The following ARL5B variants were observed in gnomAD, a reference collection of about 807,000 sequenced individuals.
ARL5B encodes ARF like GTPase 5B.
Under a neutral mutation model 26.9 loss-of-function variants are expected in ARL5B, and 10 were observed. That is an observed-to-expected ratio of 0.37 (90% confidence interval 0.23 to 0.63). The LOEUF (loss-of-function observed/expected upper bound fraction) is 0.63, where lower values mean the gene tolerates loss of function less well. Among genes scored for constraint, ARL5B ranks in the 30% least tolerant of loss-of-function variants. ARL5B has a pLI of 0.62. For missense variants in ARL5B, 167 were observed against 213.9 expected, an observed-to-expected ratio of 0.78 and a Z score of 1.37; for synonymous variants, 87 against 70.4, an observed-to-expected ratio of 1.24 and a Z score of -1.18.
chr10:18,663,195 G>T (rs961547311), intron 1 of ARL5B, among the ~76,000 whole-genome samples: 1 of 151,980 alleles, frequency 6.6e-6, no homozygotes, highest in Non-Finnish European at 1.5e-5. Flanking sequence ...TTGTAGTAGA[G>T]ATGGATTTTA....
At chr10:18,674,658 G>A (rs777139068) in intron 5 of ARL5B, among the ~76,000 whole-genome samples, 3 of 152,146 alleles carry the variant, frequency 2.0e-5, no homozygotes, top group African/African-American at 7.2e-5. Flanking sequence ...AAGAAGAACC[G>A]AATGTTATTT....
chr10:18,659,486 T>G lies in ARL5B; in HGVS notation c.-152T>G, dbSNP rs535531169. ...GGGATTCGTCGCGGCGCCTTCTGAG[T>G]GGTCGGGTCGAGGCTTCTCGGCCTA... On this transcript the variant is annotated 5_prime_UTR_variant, in exon 1 of 6. Coordinates refer to ENST00000377275, the MANE Select transcript of ARL5B (RefSeq NM_178815.5). 7.1e-6 allele frequency: 7 copies of G among 985,932 alleles called. No individual in the cohort carries two copies. The East Asian group carries it at 1.7e-4, about 25-fold the overall frequency. The allele number at this position is 985,932 out of a possible 1,614,324, so 61.1% of individuals were successfully genotyped here.
chr10:18,673,263 T>C (rs931692073), intron 4 of ARL5B, among the ~76,000 whole-genome samples: 1 of 152,104 alleles, frequency 6.6e-6, no homozygotes, highest in African/African-American at 2.4e-5. Flanking sequence ...GATTTCACCA[T>C]CTTCGCCAGC....
In ARL5B at chr10:18,659,597, C is replaced by T. The variant is rs781733930; in HGVS notation, c.-41C>T. 5.0e-6 allele frequency: 8 copies of T among 1,592,764 alleles called. No individual in the cohort carries two copies. The highest frequency in any genetic ancestry group is 6.0e-6 in the Non-Finnish European group (7 of 1,170,978). On this transcript the variant is annotated 5_prime_UTR_variant, in exon 1 of 6. Transcript: ENST00000377275. ...CGGTGGGGGACCCGGCGCAGCGGCA[C>T]CTGCTGCCGAGGGACCCCGCGGCCC...
chr10:18,671,511 C>T (rs1039848576), intron 3 of ARL5B, among the ~76,000 whole-genome samples: 70 of 151,900 alleles, frequency 4.6e-4, no homozygotes, highest in African/African-American at 1.2e-3. Flanking sequence ...CTAATTCTAC[C>T]CTTCATGTCT....
At position 18,681,476 on chromosome 10, in the gene ARL5B, G is replaced by T. The variant is rs535093672; in HGVS notation, c.*6260G>T. 1.3e-5 allele frequency: 2 copies of T among 152,222 alleles called. No homozygotes were observed. The highest frequency in any genetic ancestry group is 3.9e-4 in the East Asian group (2 of 5,178). 9.4% of individuals were successfully genotyped at this position (152,222 alleles called of 1,614,324 possible). On this transcript the variant is annotated 3_prime_UTR_variant, in exon 6 of 6. Coordinates refer to ENST00000377275, the MANE Select transcript of ARL5B (RefSeq NM_178815.5). ...GCAATTATGTTATAATGAGTTGTTT[G>T]CATGCCTACTTAACCCAAGTAAAAC...
intron 3 of ARL5B, among the ~76,000 whole-genome samples, chr10:18,669,208 T>C (rs918886217): frequency 1.3e-5 from 2 of 152,180 alleles, no homozygotes; most frequent in Admixed American, 6.5e-5. Flanking sequence ...TTTGGAGCTA[T>C]TATTACTTGA....
chr10:18,673,806 A>G (rs1209776342), intron 4 of ARL5B, among the ~76,000 whole-genome samples, 178 bp from the exon 5 acceptor site: 1 of 152,088 alleles, frequency 6.6e-6, no homozygotes, highest in Non-Finnish European at 1.5e-5. Flanking sequence ...ATAAAAAATA[A>G]TTATTTAATA....
chr10:18,665,027 A>G (rs1340092168), intron 1 of ARL5B, among the ~76,000 whole-genome samples: 1 of 152,152 alleles, frequency 6.6e-6, no homozygotes, highest in Non-Finnish European at 1.5e-5. Flanking sequence ...CACTGCAGGC[A>G]TGTTGTTTTC....
chr10:18,659,606 G>A lies in ARL5B; in HGVS notation c.-32G>A, dbSNP rs763293879. The A allele has an allele frequency of 4.4e-6, 7 of 1,602,930 alleles. No individual in the cohort carries two copies. In the African/African-American group the frequency reaches 8.2e-5, roughly 19 times the overall value. ...ACCCGGCGCAGCGGCACCTGCTGCC[G>A]AGGGACCCCGCGGCCCGCCCCGGTG... On this transcript the variant is annotated 5_prime_UTR_variant, in exon 1 of 6. Transcript: ENST00000377275.
intron 3 of ARL5B, among the ~76,000 whole-genome samples, chr10:18,671,100 G>A (rs900905946): frequency 3.9e-5 from 6 of 151,986 alleles, no homozygotes; most frequent in South Asian, 2.1e-4. Context: ...CCTTTGCCAC[G>A]CGACATTCTT....
At chr10:18,668,475 T>G in intron 2 of ARL5B, 55 bp from the exon 3 acceptor site, 1 of 1,588,136 alleles carries the variant, frequency 6.3e-7, no homozygotes, top group Non-Finnish European at 8.6e-7. Context: ...GAGATAAAAG[T>G]TGCTTCAGAT....
rs1199215872 is a variant in ARL5B at position 18,679,352 on chromosome 10, A to G, written c.*4136A>G. ...GTTTATTGCCGTTTGATGCCACCCC[A>G]GTCTATAGTTCTGTGTGACTTTCCA... On this transcript the variant is annotated 3_prime_UTR_variant, in exon 6 of 6. Transcript: ENST00000377275. The G allele has an allele frequency of 1.3e-5, 2 of 151,902 alleles. No homozygotes were observed. Among genetic ancestry groups the G allele is most frequent in the East Asian group, 1.9e-4 (1 of 5,198 alleles). 9.4% of individuals were successfully genotyped at this position (151,902 alleles called of 1,614,324 possible). A position where few individuals can be genotyped will look rare whatever the true frequency, so the allele number is the denominator to read the frequency against.
chr10:18,660,454 C>T (rs1038854959), intron 1 of ARL5B, among the ~76,000 whole-genome samples: 3 of 152,146 alleles, frequency 2.0e-5, no homozygotes, highest in Non-Finnish European at 4.4e-5. Flanking sequence ...TTGAGGCGTC[C>T]TTTGAACAGA....
Position 18,676,010 on chromosome 10 carries a change from A to T in ARL5B, c.*794A>T, listed in dbSNP as rs41305695. 1 of 152,140 alleles carries T rather than the reference A, an allele frequency of 6.6e-6. No homozygotes were observed. Among genetic ancestry groups the T allele is most frequent in the Non-Finnish European group, 1.5e-5 (1 of 67,944 alleles). 9.4% of individuals were successfully genotyped at this position (152,140 alleles called of 1,614,324 possible). On this transcript the variant is annotated 3_prime_UTR_variant, in exon 6 of 6. Transcript: ENST00000377275. ...CACATTATTCAATGCATATAAAACT[A>T]TCAGAAGTTAGTAAATCATACCAGC...
chr10:18,665,573 A>G (rs1177753179), intron 1 of ARL5B, among the ~76,000 whole-genome samples: 2 of 152,250 alleles, frequency 1.3e-5, no homozygotes, highest in South Asian at 2.1e-4. Flanking sequence ...GAGTAGGAAT[A>G]TGAGCTGATA....
chr10:18,664,308 A>G (rs1357210408), intron 1 of ARL5B, among the ~76,000 whole-genome samples: 3 of 151,946 alleles, frequency 2.0e-5, no homozygotes, highest in African/African-American at 7.3e-5. Context: ...TTTGGTCTCA[A>G]ACTCCTAGAT....
intron 4 of ARL5B, among the ~76,000 whole-genome samples, chr10:18,673,375 T>C (rs2059896505): frequency 6.6e-6 from 1 of 152,144 alleles, no homozygotes; most frequent in Admixed American, 6.5e-5. Flanking sequence ...TCCATGTTTT[T>C]CAAACTTATA....
rs1302713003 is a variant in ARL5B, at chr10:18,680,523, T to C, written c.*5307T>C. ...GTTGATCCCAGTCATCAGTGACTTA[T>C]TTGCATATTTAAGCCCTATTCACAA... On this transcript the variant is annotated 3_prime_UTR_variant, in exon 6 of 6. Coordinates refer to ENST00000377275, the MANE Select transcript of ARL5B (RefSeq NM_178815.5). 6.6e-6 allele frequency: 1 copy of C among 152,116 alleles called. No individual in the cohort carries two copies. The highest frequency in any genetic ancestry group is 6.5e-5 in the Admixed American group (1 of 15,276). The allele number at this position is 152,116 out of a possible 1,614,324, so 9.4% of individuals were successfully genotyped here.
Sources: allele counts gnomAD v4.1 joint callset (sites outside exome capture counted in the v4.1 genomes callset), GRCh38; gene constraint gnomAD v4.1.1; transcripts MANE v1.5; gene names NCBI Gene and HGNC (gene_info 2026-07-23, HGNC 2026-07-21).